The following POLR1D variants were observed in gnomAD, a reference collection of about 807,000 sequenced individuals.
POLR1D encodes the protein DNA-directed RNA polymerases I and III subunit RPAC2.
A neutral mutation model predicts 10.8 loss-of-function variants in POLR1D; 8 were observed. The ratio of observed to expected loss-of-function variants is 0.74; its 90% CI spans 0.43 to 1.33. The LOEUF is 1.33. POLR1D is among the 40% of genes most tolerant of loss of function. The probability of loss-of-function intolerance (pLI) is 0.01; values close to 1 mark genes in which losing one functional copy is unlikely to be tolerated. For missense variants in POLR1D, 152 were observed against 161.7 expected (o/e 0.94, Z 0.32); for synonymous variants, 54 against 57.2 (o/e 0.94, Z 0.25).
At chr13:27,632,623 C>T (rs939518070) in intron 1 of POLR1D, among the ~76,000 whole-genome samples, 2 of 151,226 alleles carry the variant, frequency 1.3e-5, no homozygotes, top group Non-Finnish European at 2.9e-5. Flanking sequence ...AACTCTTTTA[C>T]CTCATTAAAA....
rs1566139800 is a variant in POLR1D, at chr13:27,621,909, C to T, written c.-75C>T. 2 of 1,488,376 alleles carry T rather than the reference C, an allele frequency of 1.3e-6. No homozygotes were observed. The highest frequency in any genetic ancestry group is 2.4e-5 in the East Asian group (1 of 41,726). 92.2% of individuals were successfully genotyped at this position (1,488,376 alleles called of 1,614,324 possible). On this transcript the variant is annotated 5_prime_UTR_variant, in exon 1 of 2. Coordinates refer to ENST00000302979, the MANE Select transcript of POLR1D (RefSeq NM_015972.4). ...CGGTCGGTCCTTGCTTCCTGCTTCG[C>T]CTCCGCGCCTCGCGCTATGGGACAG...
intron 2 of POLR1D, among the ~76,000 whole-genome samples, chr13:27,658,365 G>A (rs1038656798): frequency 7.9e-5 from 12 of 152,224 alleles, no homozygotes; most frequent in Admixed American, 5.9e-4. Flanking sequence ...TAGGTAGCCT[G>A]GCCAGGTGTT....
At chr13:27,657,887 G>A (rs1372352740) in intron 2 of POLR1D, among the ~76,000 whole-genome samples, 1 of 152,156 alleles carries the variant, frequency 6.6e-6, no homozygotes, top group Non-Finnish European at 1.5e-5. Context: ...GTTCAGTCCA[G>A]CAGTTCAGCA....
At chr13:27,665,306 G>A (rs528828765) in intron 2 of POLR1D, 12 of 213,392 alleles carry the variant, frequency 5.6e-5, no homozygotes, top group South Asian at 2.4e-4. Context: ...GTAATAAAAC[G>A]CAAGATGCAA....
chr13:27,637,307 C>T (rs1434550446), intron 1 of POLR1D, among the ~76,000 whole-genome samples: 2 of 152,202 alleles, frequency 1.3e-5, no homozygotes, highest in Non-Finnish European at 2.9e-5. Flanking sequence ...CAGTTAATCT[C>T]TGCAGCCTTT....
chr13:27,637,663 A>G (rs558601152), intron 1 of POLR1D, among the ~76,000 whole-genome samples: 7 of 152,330 alleles, frequency 4.6e-5, no homozygotes, highest in South Asian at 2.1e-4. Context: ...TTAAAATTGT[A>G]AAATGGGATT....
chr13:27,666,687 T>C (rs1956421968), exon 3 of POLR1D: 1 of 152,182 alleles, frequency 6.6e-6, no homozygotes, highest in Admixed American at 6.5e-5. Flanking sequence ...CAGTGCTAGA[T>C]CTTACCAGCT....
At chr13:27,655,197 G>GA (rs1340678038) in intron 2 of POLR1D, among the ~76,000 whole-genome samples, 1 of 152,000 alleles carries the variant, frequency 6.6e-6, no homozygotes, top group East Asian at 1.9e-4. Flanking sequence ...AATATAATGA[G>GA]AAAAAAGGAC....
chr13:27,664,901 C>T (rs752894408), intron 2 of POLR1D: 12 of 152,278 alleles, frequency 7.9e-5, no homozygotes, highest in Admixed American at 7.2e-4. Context: ...GAAATATGAA[C>T]GTTCTCATTT....
chr13:27,652,151 C>T (rs1248240863), intron 2 of POLR1D, among the ~76,000 whole-genome samples: 1 of 152,204 alleles, frequency 6.6e-6, no homozygotes, highest in Non-Finnish European at 1.5e-5. Flanking sequence ...ATGCAATTTA[C>T]AAGTGAGTAA....
intron 2 of POLR1D, chr13:27,661,042 A>ACCTCTAT (rs1204083313): frequency 6.6e-6 from 1 of 152,112 alleles, no homozygotes; most frequent in Non-Finnish European, 1.5e-5. Context: ...AGATACTACT[A>ACCTCTAT]CCTCTATCCT....
chr13:27,647,401 T>C (rs1956230306), intron 1 of POLR1D, among the ~76,000 whole-genome samples: 1 of 151,696 alleles, frequency 6.6e-6, no homozygotes, highest in African/African-American at 2.4e-5. Context: ...ATTTTTATTT[T>C]TTTTAGAGAC....
chr13:27,638,592 A>G (rs948553018), intron 1 of POLR1D, among the ~76,000 whole-genome samples: 2 of 152,154 alleles, frequency 1.3e-5, no homozygotes, highest in Non-Finnish European at 2.9e-5. Context: ...TTGCTGAATC[A>G]GAGACTGAAA....
chr13:27,641,531 A>G (rs1489855142), intron 1 of POLR1D, among the ~76,000 whole-genome samples: 1 of 152,218 alleles, frequency 6.6e-6, no homozygotes, highest in Non-Finnish European at 1.5e-5. Context: ...TAATCCAAAT[A>G]TTCAGCCATT....
At chr13:27,630,578 TC>T (rs1288910179) in intron 1 of POLR1D, among the ~76,000 whole-genome samples, 1 of 152,186 alleles carries the variant, frequency 6.6e-6, no homozygotes, top group Non-Finnish European at 1.5e-5. Flanking sequence ...GCTCCACACT[TC>T]CTATCTTATG....
At chr13:27,640,801 G>A (rs1956166028) in intron 1 of POLR1D, among the ~76,000 whole-genome samples, 1 of 151,896 alleles carries the variant, frequency 6.6e-6, no homozygotes, top group Non-Finnish European at 1.5e-5. Context: ...GTATCCCTGG[G>A]GGATTGCTTC....
chr13:27,666,182 G>A (rs1309937394), exon 3 of POLR1D: 21 of 520,760 alleles, frequency 4.0e-5, no homozygotes, highest in Non-Finnish European at 6.4e-5. Context: ...CTTCTGCAGT[G>A]TAGTAGACTT....
At chr13:27,635,075 G>A (rs1262519497) in intron 1 of POLR1D, among the ~76,000 whole-genome samples, 7 of 152,132 alleles carry the variant, frequency 4.6e-5, no homozygotes, top group Non-Finnish European at 1.0e-4. Context: ...TTCAGTTTAA[G>A]AGACAAAATT....
chr13:27,652,234 G>A (rs185229468), intron 2 of POLR1D, among the ~76,000 whole-genome samples: 2 of 152,324 alleles, frequency 1.3e-5, no homozygotes, highest in Admixed American at 6.5e-5. Flanking sequence ...CAGCTCTCCA[G>A]ATAGACATCA....
Sources: allele counts gnomAD v4.1 joint callset (sites outside exome capture counted in the v4.1 genomes callset), GRCh38; gene constraint gnomAD v4.1.1; transcripts MANE v1.5; gene names NCBI Gene and HGNC (gene_info 2026-07-23, HGNC 2026-07-21).